MACIR: variants seen among roughly 807,000 people sequenced by gnomAD.
The protein encoded by MACIR is UNC119-binding protein C5orf30.
In MACIR, 4 loss-of-function variants were observed where a neutral mutation model predicts 14.3. The ratio of observed to expected loss-of-function variants is 0.28; its 90% CI spans 0.14 to 0.64. MACIR has a LOEUF of 0.64. Among genes scored for constraint, MACIR ranks in the 30% least tolerant of loss-of-function variants. MACIR has a pLI of 0.83. For synonymous variants in MACIR, 101 were observed against 102.4 expected (o/e 0.99, Z 0.08); for missense variants, 228 against 257.6 (o/e 0.89, Z 0.79).
At chr5:103,274,256 T>C (rs1011048741) in intron 2 of MACIR, among the ~76,000 whole-genome samples, 3 of 152,074 alleles carry the variant, frequency 2.0e-5, no homozygotes, top group African/African-American at 7.2e-5. Context: ...CTCTAAAGTT[T>C]ATTAGCTAAG....
intron 1 of MACIR, among the ~76,000 whole-genome samples, chr5:103,261,679 TTTC>T (rs1554236287): frequency 1.5e-5 from 2 of 130,058 alleles, no homozygotes; most frequent in Non-Finnish European, 1.6e-5. Context: ...TCTTTCTTTC[TTTC>T]TTTCTTTCTT....
At chr5:103,271,974 T>C (rs991167024) in intron 2 of MACIR, among the ~76,000 whole-genome samples, 7 of 152,218 alleles carry the variant, frequency 4.6e-5, no homozygotes, top group African/African-American at 7.2e-5. Flanking sequence ...GCATTAGACC[T>C]GATTTCTTGA....
rs570351083 is a variant in MACIR at position 103,278,310 on chromosome 5, G to C, written c.*1770G>C. ...TAATGATTAAACACCATTATTTATTGACAATTTACCCTGTGGAACTGTATT... is the reference window on the plus strand; with the variant it reads ...TAATGATTAAACACCATTATTTATTCACAATTTACCCTGTGGAACTGTATT... On this transcript the variant is annotated 3_prime_UTR_variant, in exon 3 of 3. Coordinates refer to ENST00000319933, the MANE Select transcript of MACIR (RefSeq NM_033211.4). 8.6e-4 allele frequency: 143 copies of C among 166,670 alleles called. No homozygotes were observed. 10.3% of individuals were successfully genotyped at this position (166,670 alleles called of 1,614,324 possible).
Position 103,275,038 on chromosome 5 carries a change from A to G in MACIR, c.-23-859A>G, listed in dbSNP as rs1580583841. 2.6e-5 allele frequency among the ~76,000 whole-genome samples: 4 copies of G among 152,188 alleles called. No individual in the cohort carries two copies. In the East Asian group the frequency reaches 5.8e-4, roughly 22 times the overall value. On this transcript the variant is annotated intron_variant, in intron 2 of 2. Transcript: ENST00000319933. Reference sequence around the variant, plus strand: ...TGTAATAATCGTAAGGAACAATATTACTATTCATTGTGAATTATTCTGCCA... The same window carrying G: ...TGTAATAATCGTAAGGAACAATATTGCTATTCATTGTGAATTATTCTGCCA...
chr5:103,264,059 A>G (rs1169733441), intron 1 of MACIR, among the ~76,000 whole-genome samples: 1 of 152,322 alleles, frequency 6.6e-6, no homozygotes, highest in East Asian at 1.9e-4. Context: ...GCTTTTAGAT[A>G]AAGTGCCTAC....
intron 1 of MACIR, chr5:103,259,702 A>G (rs964617139): frequency 2.0e-5 from 3 of 152,144 alleles, no homozygotes; most frequent in Admixed American, 1.3e-4. Flanking sequence ...GCGCGTGTGG[A>G]TTGGGGCCCG....
rs1428542843 is a variant in MACIR at position 103,263,521 on chromosome 5, A to C, written c.-113-2387A>C. 2.0e-5 allele frequency among the ~76,000 whole-genome samples: 3 copies of C among 152,134 alleles called. No individual in the cohort carries two copies. In the East Asian group the frequency reaches 5.8e-4, roughly 29 times the overall value. Reference sequence around the variant, plus strand: ...CTCCTCTGCTTTCAAATCCAGACTAAAGTTTTAGTTGATTTCTTTCTTTTG... The same window carrying C: ...CTCCTCTGCTTTCAAATCCAGACTACAGTTTTAGTTGATTTCTTTCTTTTG... On this transcript the variant is annotated intron_variant, in intron 1 of 2. Transcript: ENST00000319933.
At chr5:103,266,910 T>G (rs2569017) in intron 2 of MACIR, among the ~76,000 whole-genome samples, 1 of 152,166 alleles carries the variant, frequency 6.6e-6, no homozygotes, top group African/African-American at 2.4e-5. Flanking sequence ...TTTCGAACAT[T>G]GGAAAATTGG....
chr5:103,261,990 G>A (rs1197206599), intron 1 of MACIR, among the ~76,000 whole-genome samples: 1 of 151,912 alleles, frequency 6.6e-6, no homozygotes, highest in Non-Finnish European at 1.5e-5. Flanking sequence ...CTGCTGTTTT[G>A]TTAGTGATCT....
chr5:103,269,830 T>C (rs1250997328), intron 2 of MACIR, among the ~76,000 whole-genome samples: 1 of 152,210 alleles, frequency 6.6e-6, no homozygotes, highest in African/African-American at 2.4e-5. Flanking sequence ...TTGAATGCTG[T>C]ACCTAATGCT....
chr5:103,261,353 A>G (rs2149919384), intron 1 of MACIR, among the ~76,000 whole-genome samples: 1 of 152,342 alleles, frequency 6.6e-6, no homozygotes, highest in African/African-American at 2.4e-5. Context: ...ATTTGAAAGA[A>G]GCCTCTAAGA....
intron 1 of MACIR, chr5:103,259,416 C>G (rs1554235979): frequency 6.6e-6 from 1 of 152,148 alleles, no homozygotes; most frequent in Non-Finnish European, 1.5e-5. Context: ...CACGCTCGCT[C>G]GCTCCCTCCC....
intron 1 of MACIR, among the ~76,000 whole-genome samples, chr5:103,263,773 C>T (rs1385089156): frequency 6.6e-6 from 1 of 152,096 alleles, no homozygotes; most frequent in Non-Finnish European, 1.5e-5. Context: ...ATCTATCCCA[C>T]TTTGTGATAG....
chr5:103,271,845 C>T (rs1282922580), intron 2 of MACIR, among the ~76,000 whole-genome samples: 2 of 152,018 alleles, frequency 1.3e-5, no homozygotes, highest in Admixed American at 6.6e-5. Flanking sequence ...AAAATTAATA[C>T]TTTTTCTATT....
At chr5:103,269,306 T>C (rs1411870887) in intron 2 of MACIR, among the ~76,000 whole-genome samples, 1 of 152,076 alleles carries the variant, frequency 6.6e-6, no homozygotes, top group Admixed American at 6.6e-5. Context: ...AGACCCTGTT[T>C]CCCCAAAAAT....
At chr5:103,263,668 G>T (rs1554236506) in intron 1 of MACIR, among the ~76,000 whole-genome samples, 2 of 152,136 alleles carry the variant, frequency 1.3e-5, no homozygotes, top group African/African-American at 4.8e-5. Context: ...TGAGATTTAA[G>T]ACTGTCAAAA....
chr5:103,267,841 C>A (rs1580573395), intron 2 of MACIR, among the ~76,000 whole-genome samples: 1 of 152,060 alleles, frequency 6.6e-6, no homozygotes, highest in Non-Finnish European at 1.5e-5. Context: ...TTTTCATCAC[C>A]CCCCAAAATT....
At chr5:103,261,384 A>C (rs188519046) in intron 1 of MACIR, among the ~76,000 whole-genome samples, 1 of 152,314 alleles carries the variant, frequency 6.6e-6, no homozygotes, top group Non-Finnish European at 1.5e-5. Context: ...GGTGCAGCTA[A>C]ACATTTTGTT....
At chr5:103,269,995 C>G (rs1468931630) in intron 2 of MACIR, among the ~76,000 whole-genome samples, 1 of 152,042 alleles carries the variant, frequency 6.6e-6, no homozygotes, top group Non-Finnish European at 1.5e-5. Context: ...GATTTGAGGT[C>G]AAAGAATGGC....
Sources: allele counts gnomAD v4.1 joint callset (sites outside exome capture counted in the v4.1 genomes callset), GRCh38; gene constraint gnomAD v4.1.1; transcripts MANE v1.5; gene names NCBI Gene and HGNC (gene_info 2026-07-23, HGNC 2026-07-21).